The following MGAT4C variants were observed in gnomAD, a reference collection of about 807,000 sequenced individuals.
MGAT4C encodes alpha-1,3-mannosyl-glycoprotein 4-beta-N-acetylglucosaminyltransferase C.
A neutral mutation model predicts 40.1 loss-of-function variants in MGAT4C; 19 were observed. The ratio of observed to expected loss-of-function variants is 0.47; its 90% CI spans 0.33 to 0.70. The LOEUF is 0.70. MGAT4C is among the 30% of genes least tolerant of loss of function. The pLI is 0.02. For synonymous variants in MGAT4C, 181 were observed against 187.1 expected, an observed-to-expected ratio of 0.97 and a Z score of 0.27; for missense variants, 491 against 563.2, an observed-to-expected ratio of 0.87 and a Z score of 1.30.
At chr12:86,781,012 T>TGTGTG (rs1565985853) in intron 1 of MGAT4C, among the ~76,000 whole-genome samples, 7 of 39,058 alleles carry the variant, frequency 1.8e-4, no homozygotes, top group African/African-American at 3.1e-4. Flanking sequence ...TGGCTGAGTA[T>TGTGTG]TGTGTGTGTG....
At chr12:86,347,337 A>T (rs185842468) in intron 3 of MGAT4C, among the ~76,000 whole-genome samples, 3 of 152,298 alleles carry the variant, frequency 2.0e-5, no homozygotes, top group African/African-American at 7.2e-5. Context: ...TATTAAGTAT[A>T]AAAAAACACA....
At chr12:86,220,026 A>T (rs1413904123) in intron 1 of MGAT4C, among the ~76,000 whole-genome samples, 1 of 152,156 alleles carries the variant, frequency 6.6e-6, no homozygotes, top group East Asian at 1.9e-4. Context: ...CCAGAGAAAG[A>T]CTGCCCTATA....
At chr12:86,004,825 T>C (rs1887709292) in intron 2 of MGAT4C, among the ~76,000 whole-genome samples, 1 of 152,202 alleles carries the variant, frequency 6.6e-6, no homozygotes, top group African/African-American at 2.4e-5. Flanking sequence ...GGTGAGTTAT[T>C]TTTCAGTTGC....
chr12:86,446,682 T>TATATATATATATATAC (rs1555190156), intron 2 of MGAT4C, among the ~76,000 whole-genome samples: 1,300 of 113,426 alleles, frequency 0.011, 60 homozygotes, highest in Middle Eastern at 0.022. Flanking sequence ...TATATATATA[T>TATATATATATATATAC]ATATATATAT....
At chr12:86,615,654 G>T (rs549265443) in intron 2 of MGAT4C, among the ~76,000 whole-genome samples, 113 of 152,174 alleles carry the variant, frequency 7.4e-4, no homozygotes, top group African/African-American at 2.5e-3. Context: ...TGACCAAAAT[G>T]CATTCCAAAG....
chr12:86,376,234 A>AAG (rs1161800898), intron 3 of MGAT4C, among the ~76,000 whole-genome samples: 1 of 150,642 alleles, frequency 6.6e-6, no homozygotes, highest in African/African-American at 2.4e-5. Context: ...AAAAAAAAAA[A>AAG]AAAAAGAGCC....
intron 2 of MGAT4C, among the ~76,000 whole-genome samples, chr12:86,449,945 A>T (rs2136286056): frequency 6.6e-6 from 1 of 152,306 alleles, no homozygotes; most frequent in East Asian, 1.9e-4. Context: ...ACTAGATGGA[A>T]ATGGTGATTA....
Position 86,752,035 on chromosome 12 carries a change from A to T in MGAT4C, c.-261-24794T>A, listed in dbSNP as rs372996853. On this transcript the variant is annotated intron_variant, in intron 1 of 7. Coordinates refer to the MGAT4C transcript ENST00000548651. ...TCTTGGAGCACAATGAGACACAGAG[A>T]CTTATAAAAGCATATCAAATATAAT... Among the ~76,000 whole-genome samples the T allele has an allele frequency of 9.9e-5, 15 of 151,998 alleles. 1 individual carries two copies. The East Asian group carries it at 1.4e-3, about 14-fold the overall frequency.
intron 2 of MGAT4C, among the ~76,000 whole-genome samples, chr12:86,449,041 C>A (rs929695091): frequency 2.0e-5 from 3 of 152,012 alleles, no homozygotes; most frequent in Non-Finnish European, 4.4e-5. Context: ...GAAAAGAGAG[C>A]AGAGGTATAT....
At chr12:86,516,026 G>A (rs1349790442) in intron 2 of MGAT4C, among the ~76,000 whole-genome samples, 1 of 151,950 alleles carries the variant, frequency 6.6e-6, no homozygotes, top group African/African-American at 2.4e-5. Context: ...TTACAGGTGT[G>A]AGCCATCGCG....
At chr12:86,275,218 C>G (rs1414361816) in intron 4 of MGAT4C, among the ~76,000 whole-genome samples, 1 of 152,064 alleles carries the variant, frequency 6.6e-6, no homozygotes, top group Non-Finnish European at 1.5e-5. Flanking sequence ...TATCACAAAC[C>G]AATCTGATAA....
chr12:86,269,177 T>C (rs1011567390), intron 4 of MGAT4C, among the ~76,000 whole-genome samples: 5 of 150,478 alleles, frequency 3.3e-5, no homozygotes, highest in East Asian at 2.0e-4. Flanking sequence ...CTTCAAAAAA[T>C]TGTAGAGCAC....
At chr12:86,112,117 C>T (rs73385591) in intron 1 of MGAT4C, among the ~76,000 whole-genome samples, 13,904 of 151,654 alleles carry the variant, frequency 0.092, 1,238 homozygotes, top group African/African-American at 0.23. Flanking sequence ...TGCATATCAT[C>T]TATGCATTAT....
chr12:86,519,567 T>A (rs900986147), intron 2 of MGAT4C, among the ~76,000 whole-genome samples: 2 of 152,178 alleles, frequency 1.3e-5, no homozygotes, highest in Non-Finnish European at 2.9e-5. Flanking sequence ...CAGCATCTGT[T>A]ATTGCCTGTC....
chr12:86,682,621 G>T (rs1469285162), intron 2 of MGAT4C, among the ~76,000 whole-genome samples: 1 of 152,036 alleles, frequency 6.6e-6, no homozygotes, highest in Non-Finnish European at 1.5e-5. Context: ...GGGAAAAAAA[G>T]TTTCTTGTCA....
chr12:86,834,934 C>T (rs1435350502), intron 1 of MGAT4C, among the ~76,000 whole-genome samples: 3 of 152,002 alleles, frequency 2.0e-5, no homozygotes, highest in South Asian at 4.1e-4. Flanking sequence ...AGATACTTTC[C>T]TGTAAAGCAC....
chr12:86,811,136 G>C (rs1952464022), intron 1 of MGAT4C, among the ~76,000 whole-genome samples: 1 of 150,856 alleles, frequency 6.6e-6, no homozygotes, highest in Non-Finnish European at 1.5e-5. Flanking sequence ...CAATGTCATT[G>C]TTGGCAGGGG....
chr12:86,155,235 A>G (rs1425177533), intron 1 of MGAT4C, among the ~76,000 whole-genome samples: 6 of 152,232 alleles, frequency 3.9e-5, no homozygotes, highest in African/African-American at 1.4e-4. Flanking sequence ...TTCGCAAGTT[A>G]GTTCAGAGCC....
intron 2 of MGAT4C, among the ~76,000 whole-genome samples, chr12:86,560,327 A>G (rs1407738153): frequency 2.0e-5 from 3 of 152,146 alleles, no homozygotes; most frequent in Non-Finnish European, 4.4e-5. Flanking sequence ...ACAAAGATAC[A>G]GTAATAAAAA....
Sources: gnomAD v4.1 joint callset for allele counts (sites outside exome capture counted in the v4.1 genomes callset) on GRCh38, gnomAD v4.1.1 for gene constraint, MANE v1.5 for transcripts, NCBI Gene and HGNC (gene_info 2026-07-23, HGNC 2026-07-21) for gene names.